The following CNTNAP2 variants were observed in gnomAD, a reference collection of about 807,000 sequenced individuals.
CNTNAP2 encodes contactin-associated protein-like 2.
CNTNAP2 carries 98 observed loss-of-function variants against 155.2 expected under a neutral mutation model. That is an observed-to-expected ratio of 0.63 (90% CI 0.54 to 0.75). CNTNAP2 has a LOEUF of 0.75. Ranked by LOEUF, CNTNAP2 falls within the 30% of genes least tolerant of loss-of-function variation. The probability of loss-of-function intolerance (pLI) is 0.00; values close to 1 mark genes in which losing one functional copy is unlikely to be tolerated. For missense variants in CNTNAP2, 1,727 were observed against 1,688.1 expected (o/e 1.02, Z -0.40); for synonymous variants, 651 against 631.2 (o/e 1.03, Z -0.47).
At chr7:148,387,438 T>C (rs1799236795) in intron 22 of CNTNAP2, among the ~76,000 whole-genome samples, 1 of 152,168 alleles carries the variant, frequency 6.6e-6, no homozygotes, top group African/African-American at 2.4e-5. Flanking sequence ...TGAGTCTGTG[T>C]AGGGTTAGGA....
At chr7:146,439,417 G>A (rs1796288822) in intron 1 of CNTNAP2, among the ~76,000 whole-genome samples, 1 of 151,374 alleles carries the variant, frequency 6.6e-6, no homozygotes, top group Non-Finnish European at 1.5e-5. Flanking sequence ...CCTTAAGTAT[G>A]AATATTCATC....
At chr7:146,900,763 G>A (rs1007019291) in intron 3 of CNTNAP2, among the ~76,000 whole-genome samples, 6 of 152,154 alleles carry the variant, frequency 3.9e-5, no homozygotes, top group Admixed American at 2.0e-4. Flanking sequence ...ATTGCTATCC[G>A]AGCGCAGAAT....
intron 14 of CNTNAP2, among the ~76,000 whole-genome samples, chr7:147,971,197 T>G (rs1229033677): frequency 6.6e-6 from 1 of 152,224 alleles, no homozygotes; most frequent in Non-Finnish European, 1.5e-5. Context: ...ACCCTGCTAC[T>G]TCTAGTGAGA....
chr7:147,430,353 G>A (rs1433555917), intron 10 of CNTNAP2, among the ~76,000 whole-genome samples: 1 of 152,162 alleles, frequency 6.6e-6, no homozygotes, highest in Non-Finnish European at 1.5e-5. Flanking sequence ...TTAGTTAGCA[G>A]AATTCCTATT....
chr7:146,917,699 T>C (rs963745420), intron 3 of CNTNAP2, among the ~76,000 whole-genome samples: 3 of 152,174 alleles, frequency 2.0e-5, no homozygotes, highest in Non-Finnish European at 4.4e-5. Flanking sequence ...TTTCCTGTGC[T>C]ATACCCATGA....
intron 21 of CNTNAP2, among the ~76,000 whole-genome samples, chr7:148,273,901 T>TA (rs1188901765): frequency 6.6e-6 from 1 of 152,196 alleles, no homozygotes; most frequent in African/African-American, 2.4e-5. Context: ...TTTTATTGAT[T>TA]AAAAAGTCTT....
At chr7:147,176,748 A>ATATAATAGAATTATAATT (rs1236502831) in intron 8 of CNTNAP2, among the ~76,000 whole-genome samples, 1 of 94,522 alleles carries the variant, frequency 1.1e-5, no homozygotes, top group African/African-American at 5.6e-5. Context: ...TTATAATTAT[A>ATATAATAGAATTATAATT]ATATATAATT....
At chr7:147,130,626 C>T (rs1028264369) in intron 7 of CNTNAP2, among the ~76,000 whole-genome samples, 3 of 152,030 alleles carry the variant, frequency 2.0e-5, no homozygotes, top group Non-Finnish European at 4.4e-5. Context: ...ACAAATAGGA[C>T]ATTTTGCAAG....
chr7:148,089,021 A>T (rs1222111691), intron 15 of CNTNAP2, among the ~76,000 whole-genome samples: 3 of 151,994 alleles, frequency 2.0e-5, no homozygotes, highest in Non-Finnish European at 4.4e-5. Flanking sequence ...AATTAATATG[A>T]TGCACCACAT....
chr7:146,486,432 G>A (rs1185892563), intron 1 of CNTNAP2, among the ~76,000 whole-genome samples: 1 of 152,034 alleles, frequency 6.6e-6, no homozygotes, highest in African/African-American at 2.4e-5. Context: ...TCATGCTAGG[G>A]TTGTTTTAAA....
chr7:147,751,396 TA>T (rs59271527), intron 13 of CNTNAP2, among the ~76,000 whole-genome samples: 35 of 144,568 alleles, frequency 2.4e-4, no homozygotes, highest in African/African-American at 7.6e-4. Flanking sequence ...TGAATTTAGT[TA>T]AAAAAAAAAA....
chr7:148,291,989 G>A (rs1347899971), intron 21 of CNTNAP2, among the ~76,000 whole-genome samples: 1 of 152,106 alleles, frequency 6.6e-6, no homozygotes, highest in Non-Finnish European at 1.5e-5. Context: ...GCTGGGTGGT[G>A]AGGCAAACAC....
At chr7:147,603,268 G>T (rs898965814) in intron 12 of CNTNAP2, among the ~76,000 whole-genome samples, 2 of 151,936 alleles carry the variant, frequency 1.3e-5, no homozygotes, top group Non-Finnish European at 2.9e-5. Context: ...GTGTTTTTTG[G>T]CTGCATAAAT....
chr7:146,519,395 C>T (rs750017682), intron 1 of CNTNAP2, among the ~76,000 whole-genome samples: 3 of 151,834 alleles, frequency 2.0e-5, no homozygotes, highest in Non-Finnish European at 4.4e-5. Flanking sequence ...TTCAACTCTA[C>T]TAATCTTTGG....
chr7:147,903,860 C>A (rs1799916505), intron 14 of CNTNAP2, 139 bp downstream of exon 14: 4 of 1,095,590 alleles, frequency 3.7e-6, no homozygotes, highest in African/African-American at 3.1e-5. Context: ...ACCCAACTGA[C>A]AAATGTCAGG....
chr7:146,526,235 C>T (rs1022795639), intron 1 of CNTNAP2, among the ~76,000 whole-genome samples: 6 of 152,092 alleles, frequency 3.9e-5, no homozygotes, highest in Non-Finnish European at 8.8e-5. Flanking sequence ...TGATGATGTG[C>T]AGTACTTTAT....
At chr7:146,558,152 C>T (rs1368856639) in intron 1 of CNTNAP2, among the ~76,000 whole-genome samples, 1 of 152,142 alleles carries the variant, frequency 6.6e-6, no homozygotes, top group Non-Finnish European at 1.5e-5. Flanking sequence ...GAAGAGGTTG[C>T]TCATAGGACT....
intron 1 of CNTNAP2, among the ~76,000 whole-genome samples, chr7:146,509,387 C>T (rs1160765671): frequency 6.6e-6 from 1 of 152,202 alleles, no homozygotes. Flanking sequence ...GCAGACAATA[C>T]TGTTGGCTCC....
chr7:148,083,923 A>G (rs528281654), intron 15 of CNTNAP2, among the ~76,000 whole-genome samples: 1 of 152,170 alleles, frequency 6.6e-6, no homozygotes, highest in Non-Finnish European at 1.5e-5. Context: ...AGAAAAAAAT[A>G]CCTTCTTTCC....
Sources: gnomAD v4.1 joint callset for allele counts (sites outside exome capture counted in the v4.1 genomes callset) on GRCh38, gnomAD v4.1.1 for gene constraint, MANE v1.5 for transcripts, NCBI Gene and HGNC (gene_info 2026-07-23, HGNC 2026-07-21) for gene names.